The following PEBP4 variants were observed in gnomAD, a reference collection of about 807,000 sequenced individuals.
The protein encoded by PEBP4 is phosphatidylethanolamine binding protein 4.
In PEBP4, 22 loss-of-function variants were observed where a neutral mutation model predicts 23.9. The ratio of observed to expected loss-of-function variants is 0.92; its 90% CI spans 0.66 to 1.31. The LOEUF (loss-of-function observed/expected upper bound fraction) is 1.31, where lower values mean the gene tolerates loss of function less well. PEBP4 is among the 40% of genes most tolerant of loss of function. The probability of loss-of-function intolerance (pLI) is 0.00; values close to 1 mark genes in which losing one functional copy is unlikely to be tolerated. For missense variants in PEBP4, 324 were observed against 281.7 expected, an observed-to-expected ratio of 1.15 and a Z score of -1.07; for synonymous variants, 112 against 99.3, an observed-to-expected ratio of 1.13 and a Z score of -0.76.
Position 22,740,047 on chromosome 8 carries a change from T to G in PEBP4, c.358-12827A>C, listed in dbSNP as rs143216869. On this transcript the variant is annotated intron_variant, in intron 4 of 6. Coordinates refer to ENST00000256404, the MANE Select transcript of PEBP4 (RefSeq NM_144962.3). ...TTGCCCTATTTTAGGTTTCCATACT[T>G]GGCTCTGGTGGGAAGAGAAAGCATA... Among the ~76,000 whole-genome samples, 43 of 152,274 alleles carry G rather than the reference T, an allele frequency of 2.8e-4. 1 individual carries two copies. In the Middle Eastern group the frequency reaches 0.01, roughly 36 times the overall value.
chr8:22,853,522 ACCCTTCTTTTC>A (rs1807587010), intron 3 of PEBP4, among the ~76,000 whole-genome samples: 1 of 152,220 alleles, frequency 6.6e-6, no homozygotes, highest in African/African-American at 2.4e-5. Flanking sequence ...GTAGGAAGGT[ACCCTTCTTTTC>A]AGAGAGAGGG....
At chr8:22,924,978 A>G in intron 2 of PEBP4, 2 of 985,406 alleles carry the variant, frequency 2.0e-6, no homozygotes, top group Non-Finnish European at 2.4e-6. Context: ...CTGGTAGACC[A>G]AATGCCCACA....
At chr8:22,916,218 C>T (rs1180267947) in intron 3 of PEBP4, among the ~76,000 whole-genome samples, 1 of 152,214 alleles carries the variant, frequency 6.6e-6, no homozygotes, top group Admixed American at 6.5e-5. Context: ...CAAAAGGATT[C>T]CAGCTGGCGA....
chr8:22,806,646 G>T (rs893110079), intron 4 of PEBP4, among the ~76,000 whole-genome samples: 1 of 151,354 alleles, frequency 6.6e-6, no homozygotes, highest in South Asian at 2.1e-4. Flanking sequence ...TATAAACAAG[G>T]TGAGGCACTC....
upstream of PEBP4, among the ~76,000 whole-genome samples, chr8:22,928,627 G>A (rs2128782405): frequency 6.6e-6 from 1 of 152,192 alleles, no homozygotes; most frequent in Admixed American, 6.5e-5. Context: ...GAAGAATAAA[G>A]GCGGCTTGCA....
intron 3 of PEBP4, among the ~76,000 whole-genome samples, chr8:22,824,042 G>T (rs1448525877): frequency 6.6e-6 from 1 of 152,084 alleles, no homozygotes; most frequent in Non-Finnish European, 1.5e-5. Flanking sequence ...TAATGTCATT[G>T]TCTATTTTTT....
At chr8:22,739,912 G>C (rs775169499) in intron 4 of PEBP4, among the ~76,000 whole-genome samples, 2 of 152,218 alleles carry the variant, frequency 1.3e-5, no homozygotes, top group African/African-American at 2.4e-5. Context: ...GGATGGAGGG[G>C]GAGGGGGTGC....
intron 4 of PEBP4, among the ~76,000 whole-genome samples, chr8:22,812,288 A>G (rs913315841): frequency 2.0e-5 from 3 of 152,152 alleles, no homozygotes; most frequent in Non-Finnish European, 4.4e-5. Context: ...TGGATTTCCC[A>G]TTATCTTATT....
intron 3 of PEBP4, among the ~76,000 whole-genome samples, chr8:22,870,261 C>T (rs1439241931): frequency 6.6e-6 from 1 of 152,124 alleles, no homozygotes; most frequent in Admixed American, 6.5e-5. Flanking sequence ...CACTGAAAAG[C>T]AATGAGCTAC....
chr8:22,849,664 C>T (rs1208385914), intron 3 of PEBP4, among the ~76,000 whole-genome samples: 1 of 152,216 alleles, frequency 6.6e-6, no homozygotes, highest in Non-Finnish European at 1.5e-5. Context: ...CATTCTCTGA[C>T]ATCCTGGGTG....
chr8:22,810,671 TG>T, intron 4 of PEBP4, among the ~76,000 whole-genome samples: 1 of 27,124 alleles, frequency 3.7e-5, no homozygotes, highest in South Asian at 1.8e-3. Context: ...CATGGAGGGG[TG>T]TGTGTGTGTG....
intron 3 of PEBP4, among the ~76,000 whole-genome samples, chr8:22,840,519 G>C (rs1382623303): frequency 6.6e-6 from 1 of 151,684 alleles, no homozygotes; most frequent in Non-Finnish European, 1.5e-5. Flanking sequence ...TGGGATTACA[G>C]ACATAAGCCA....
chr8:22,789,579 C>A (rs1806096276), intron 4 of PEBP4, among the ~76,000 whole-genome samples: 1 of 152,192 alleles, frequency 6.6e-6, no homozygotes, highest in Non-Finnish European at 1.5e-5. Context: ...CAGCTCAAAG[C>A]TGCTCTAGGC....
Position 22,817,641 on chromosome 8 carries a change from A to C in PEBP4, c.353T>G (p.Ile118Ser), listed in dbSNP as rs765321317. 1 of 1,613,880 alleles carries C rather than the reference A, an allele frequency of 6.2e-7. No homozygotes were observed. Among genetic ancestry groups the C allele is most frequent in the South Asian group, 1.1e-5 (1 of 91,074 alleles). The change falls in exon 4 of 7, where the codon ATC (isoleucine) becomes AGC (serine). Residue 118 changes from isoleucine to serine, a missense_variant. Coordinates refer to ENST00000256404, the MANE Select transcript of PEBP4 (RefSeq NM_144962.3). ...RFWRHWLVTD[I>S]KGADLKKGKI... ...AGTGCCTCTTGGCCTGCTTACCTTGATATCTGTTACCAGCCAATGTCTCCA... is the reference window on the plus strand; with the variant it reads ...AGTGCCTCTTGGCCTGCTTACCTTGCTATCTGTTACCAGCCAATGTCTCCA...
At chr8:22,910,189 C>G (rs1249368609) in intron 3 of PEBP4, among the ~76,000 whole-genome samples, 1 of 152,232 alleles carries the variant, frequency 6.6e-6, no homozygotes, top group Admixed American at 6.5e-5. Flanking sequence ...GCCTGACCCA[C>G]CTCCCAGGAG....
chr8:22,919,391 A>G (rs887874483), intron 3 of PEBP4, among the ~76,000 whole-genome samples: 1 of 152,196 alleles, frequency 6.6e-6, no homozygotes, highest in African/African-American at 2.4e-5. Flanking sequence ...AGCAGAAAAG[A>G]GGCCAGTCTC....
intron 1 of PEBP4, among the ~76,000 whole-genome samples, chr8:22,940,761 TTA>T (rs1421312477): frequency 6.6e-6 from 1 of 152,184 alleles, no homozygotes; most frequent in Non-Finnish European, 1.5e-5. Flanking sequence ...AGTGCTGGGA[TTA>T]TAGGCGTGAG....
At chr8:22,878,974 G>T (rs1168484748) in intron 3 of PEBP4, among the ~76,000 whole-genome samples, 2 of 152,188 alleles carry the variant, frequency 1.3e-5, no homozygotes, top group Non-Finnish European at 2.9e-5. Context: ...GCTTAGCGTG[G>T]CTATGGGGCG....
chr8:22,798,985 A>T (rs1806328261), intron 4 of PEBP4, among the ~76,000 whole-genome samples: 2 of 151,878 alleles, frequency 1.3e-5, no homozygotes, highest in African/African-American at 4.8e-5. Flanking sequence ...TGATCTGCCC[A>T]TCTCAGCATC....
Sources: gnomAD v4.1 joint callset for allele counts (sites outside exome capture counted in the v4.1 genomes callset) on GRCh38, gnomAD v4.1.1 for gene constraint, MANE v1.5 for transcripts, NCBI Gene and HGNC (gene_info 2026-07-23, HGNC 2026-07-21) for gene names.